The following OTOF variants were observed in gnomAD, a reference collection of about 807,000 sequenced individuals.
The protein encoded by OTOF is fer-1-like family member 2.
Under a neutral mutation model 236.8 loss-of-function variants are expected in OTOF, and 218 were observed. That is an observed-to-expected ratio of 0.92 (90% CI 0.82 to 1.03). The LOEUF (loss-of-function observed/expected upper bound fraction) is 1.03, where lower values mean the gene tolerates loss of function less well. Among genes scored for constraint, OTOF ranks in the 50% least tolerant of loss-of-function variants. The probability of loss-of-function intolerance (pLI) is 0.00; values close to 1 mark genes in which losing one functional copy is unlikely to be tolerated. For missense variants in OTOF, 2,590 were observed against 2,694.4 expected (o/e 0.96, Z 0.86); for synonymous variants, 1,041 against 1,072.5 (o/e 0.97, Z 0.57).
intron 1 of OTOF, among the ~76,000 whole-genome samples, chr2:26,540,695 T>G (rs1169571180): frequency 6.9e-6 from 1 of 144,012 alleles, no homozygotes; most frequent in Non-Finnish European, 1.5e-5. Flanking sequence ...AAACAGAGAG[T>G]GTGGATGCAG....
In OTOF at chr2:26,527,111, C is replaced by T. The variant is rs72815231; in HGVS notation, c.227+721G>A. Among the ~76,000 whole-genome samples the T allele has an allele frequency of 4.8e-3, 728 of 152,336 alleles. 3 individuals carry two copies. The highest frequency in any genetic ancestry group is 7.5e-3 in the Non-Finnish European group (513 of 68,030). On this transcript the variant is annotated intron_variant, in intron 3 of 46. Transcript: ENST00000272371. ...TTTATTGAACACCTTATAGTGATAA[C>T]GCTCGTATGGCAGGTGTACTTCACT...
intron 5 of OTOF, among the ~76,000 whole-genome samples, chr2:26,505,156 C>A (rs116778880): frequency 0.014 from 2,128 of 152,240 alleles, 49 homozygotes; most frequent in African/African-American, 0.048. Context: ...GGACAAAGCA[C>A]GTTCATATCC....
chr2:26,554,039 C>T (rs934514458), intron 1 of OTOF, among the ~76,000 whole-genome samples: 4 of 151,882 alleles, frequency 2.6e-5, no homozygotes, highest in African/African-American at 4.8e-5. Flanking sequence ...GGCATGGTGG[C>T]GTGTGCCTGT....
intron 2 of OTOF, among the ~76,000 whole-genome samples, chr2:26,528,238 G>A (rs1666858207): frequency 6.6e-6 from 1 of 152,226 alleles, no homozygotes; most frequent in Non-Finnish European, 1.5e-5. Flanking sequence ...TGCTTCCATG[G>A]CCTCCCAGCT....
rs775614414 is a variant in OTOF at position 26,465,755 on chromosome 2, G to T, written c.4716C>A (p.Leu1572=). The change falls in exon 38 of 47, where the codon CTC becomes CTA. Residue 1572 remains leucine, a synonymous_variant. Coordinates refer to ENST00000272371, the MANE Select transcript of OTOF (RefSeq NM_194248.3). ...CCAGGTCGATCTTGGTTTCCCCAAT[G>T]AGGTCATCAGTGCCCACCAGGTCCC... ...YDWDLVGTDD[L]IGETKIDLEN... is the part of the protein sequence containing the mutation. 2 of 1,614,256 alleles carry T rather than the reference G, an allele frequency of 1.2e-6. No individual in the cohort carries two copies. Among genetic ancestry groups the T allele is most frequent in the Non-Finnish European group, 1.7e-6 (2 of 1,180,036 alleles).
Position 26,467,128 on chromosome 2 carries a change from C to T in OTOF, c.4333G>A (p.Glu1445Lys), listed in dbSNP as rs1443534731. 30 of 1,613,712 alleles carry T rather than the reference C, an allele frequency of 1.9e-5. 1 individual carries two copies. In the South Asian group the frequency reaches 2.2e-4, roughly 12 times the overall value. Residue 1445 changes from glutamate to lysine, a missense_variant, in exon 35 of 47, where the codon GAG becomes AAG. Transcript: ENST00000272371. Reference protein sequence around the residue: ...KTGDDEDGSTEEERIVGRFKG... With the variant: ...KTGDDEDGSTKEERIVGRFKG... Reference sequence around the variant, plus strand: ...AAGCGTCCCACAATGCGCTCCTCCTCGGTGGAGCCATCCTCATCATCCCCG... The same window carrying T: ...AAGCGTCCCACAATGCGCTCCTCCTTGGTGGAGCCATCCTCATCATCCCCG...
Position 26,476,868 on chromosome 2 carries a change from A to T in OTOF, c.2676+23T>A, listed in dbSNP as rs189225194. 102 of 1,601,800 alleles carry T rather than the reference A, an allele frequency of 6.4e-5. No homozygotes were observed. In the African/African-American group the frequency reaches 1.2e-3, roughly 19 times the overall value. ...CTCCCCTGAAAGGACCCAGGCCCCC[A>T]TCCATCCTGCCCCCTCCAGCACCTT... On this transcript the variant is annotated intron_variant, in intron 22 of 46. Transcript: ENST00000272371.
At chr2:26,499,394 C>T (rs965259835) in intron 8 of OTOF, among the ~76,000 whole-genome samples, 1 of 152,156 alleles carries the variant, frequency 6.6e-6, no homozygotes, top group African/African-American at 2.4e-5. Context: ...GCTAAGTCTC[C>T]CCACATCTCA....
chr2:26,464,084 C>T lies in OTOF; in HGVS notation c.4983G>A (p.Glu1661=), dbSNP rs1664614308. 5 of 1,613,524 alleles carry T rather than the reference C, an allele frequency of 3.1e-6. No homozygotes were observed. Among genetic ancestry groups the T allele is most frequent in the Non-Finnish European group, 3.4e-6 (4 of 1,180,022 alleles). Residue 1661 remains glutamate (E), a synonymous_variant, in exon 40 of 47, where the codon GAG becomes GAA. Transcript: ENST00000272371. Reference sequence around the variant, plus strand: ...GCCTCAGGGCCAACAGCGCCACATGCTCGTCTGTGGGCTTCCTCTGACCTG... The same window carrying T: ...GCCTCAGGGCCAACAGCGCCACATGTTCGTCTGTGGGCTTCCTCTGACCTG... ...DENGQRKPTD[E]HVALLALRHW... is the part of the protein sequence containing the mutation.
At chr2:26,499,176 G>T (rs1293558110) in intron 8 of OTOF, among the ~76,000 whole-genome samples, 1 of 152,010 alleles carries the variant, frequency 6.6e-6, no homozygotes, top group African/African-American at 2.4e-5. Context: ...ACTCTGGTGG[G>T]GAAACTGCAC....
At chr2:26,479,136 A>C (rs988318556) in intron 18 of OTOF, 128 bp downstream of exon 18, 2 of 1,226,842 alleles carry the variant, frequency 1.6e-6, no homozygotes, top group Non-Finnish European at 2.3e-6. Flanking sequence ...GAATGGGAAC[A>C]GAGGTCCTGC....
chr2:26,498,670 C>T (rs949381694), intron 8 of OTOF, among the ~76,000 whole-genome samples: 7 of 152,248 alleles, frequency 4.6e-5, no homozygotes, highest in Admixed American at 3.3e-4. Context: ...TTCATGAAAG[C>T]GATCACAAGG....
chr2:26,536,293 A>ATGG (rs1667067289), intron 2 of OTOF, among the ~76,000 whole-genome samples: 1 of 152,168 alleles, frequency 6.6e-6, no homozygotes, highest in African/African-American at 2.4e-5. Flanking sequence ...TTTGACAAAG[A>ATGG]TGGTGGCAGG....
intron 6 of OTOF, among the ~76,000 whole-genome samples, chr2:26,503,265 C>T (rs1329439384): frequency 6.6e-6 from 1 of 152,256 alleles, no homozygotes; most frequent in Non-Finnish European, 1.5e-5. Flanking sequence ...GTCTTCCCCT[C>T]TCCAGTCGCT....
rs368906262 is a variant in OTOF at position 26,473,399 on chromosome 2, C to T, written c.3570+7G>A. ...ACAGGATGTCCTCCGCCAGGGCCTG[C>T]ACTCACCACTTCAAACCACTTGACG... is the stretch of plus-strand genomic sequence containing the variant. On this transcript the variant is annotated splice_region_variant and intron_variant, in intron 28 of 46. Coordinates refer to ENST00000272371, the MANE Select transcript of OTOF (RefSeq NM_194248.3). The surrounding 1 kb of genome is among the most constrained non-coding windows in gnomAD (Gnocchi z 7.2). 2 of 1,613,382 alleles carry T rather than the reference C, an allele frequency of 1.2e-6. No individual in the cohort carries two copies. Among genetic ancestry groups the T allele is most frequent in the Admixed American group, 3.3e-5 (2 of 60,010 alleles).
At chr2:26,484,679 A>T (rs372762446) in intron 11 of OTOF, 46 bp from the exon 12 acceptor site, 4 of 1,604,398 alleles carry the variant, frequency 2.5e-6, no homozygotes, top group Non-Finnish European at 3.4e-6. Context: ...CCCCACCCAG[A>T]GCGTCTCCCA....
At chr2:26,509,518 C>CT (rs1197911225) in intron 5 of OTOF, among the ~76,000 whole-genome samples, 1 of 152,134 alleles carries the variant, frequency 6.6e-6, no homozygotes, top group Non-Finnish European at 1.5e-5. Flanking sequence ...GAACTCATAC[C>CT]TTTTTTTGAA....
At chr2:26,542,216 GGCCACACC>G (rs1667226138) in intron 1 of OTOF, among the ~76,000 whole-genome samples, 1 of 152,170 alleles carries the variant, frequency 6.6e-6, no homozygotes, top group African/African-American at 2.4e-5. Flanking sequence ...ACCCTGCTAG[GGCCACACC>G]TCTGAGAAAA....
In OTOF at chr2:26,482,453, C is replaced by T. The variant is rs1323000145; in HGVS notation, c.1532G>A (p.Gly511Asp). The T allele has an allele frequency of 6.2e-7, 1 of 1,613,212 alleles. No individual in the cohort carries two copies. The highest frequency in any genetic ancestry group is 8.5e-7 in the Non-Finnish European group (1 of 1,180,018). ...CTTGCGCAGGTCAATGAAGTGGGTG[C>T]CGATGGCCACGTCGTTGACCTTGTC... ...DSDKVNDVAI[G>D]THFIDLRKIS... The change falls in exon 14 of 47, where the codon GGC (glycine) becomes GAC (aspartate). Residue 511 changes from glycine (G) to aspartate (D), a missense_variant. Coordinates refer to ENST00000272371, the MANE Select transcript of OTOF (RefSeq NM_194248.3).
Sources: allele counts gnomAD v4.1 joint callset (sites outside exome capture counted in the v4.1 genomes callset), GRCh38; gene constraint gnomAD v4.1.1; non-coding constraint Gnocchi (gnomAD v3.1); transcripts MANE v1.5; gene names NCBI Gene and HGNC (gene_info 2026-07-23, HGNC 2026-07-21).